The following KLHL29 variants were observed in gnomAD, a reference collection of about 807,000 sequenced individuals.
KLHL29 encodes kelch-like protein 29.
In KLHL29, 21 loss-of-function variants were observed where a neutral mutation model predicts 80.4. That is an observed-to-expected ratio of 0.26 (90% CI 0.19 to 0.38). The LOEUF is 0.38. Ranked by LOEUF, KLHL29 falls within the 10% of genes least tolerant of loss-of-function variation. KLHL29 has a pLI of 1.00. For missense variants in KLHL29, 867 were observed against 1,223.9 expected (o/e 0.71, Z 4.35); for synonymous variants, 511 against 526.8 (o/e 0.97, Z 0.41).
At chr2:23,498,609 C>T (rs1665340464) in intron 2 of KLHL29, among the ~76,000 whole-genome samples, 1 of 152,218 alleles carries the variant, frequency 6.6e-6, no homozygotes, top group Non-Finnish European at 1.5e-5. Context: ...TCAGCGCCTT[C>T]GTTAGGACAT....
intron 1 of KLHL29, among the ~76,000 whole-genome samples, chr2:23,449,063 C>T (rs1250951705): frequency 6.6e-6 from 1 of 152,148 alleles, no homozygotes; most frequent in Non-Finnish European, 1.5e-5. Context: ...GTGGTGGATC[C>T]AGGATTTGAA....
chr2:23,426,901 C>G (rs1170301028), intron 1 of KLHL29, among the ~76,000 whole-genome samples: 2 of 152,206 alleles, frequency 1.3e-5, no homozygotes, highest in Non-Finnish European at 2.9e-5. Context: ...AATCTAACCT[C>G]TAACAGAGCC....
At chr2:23,646,990 T>C (rs1169033324) in intron 5 of KLHL29, among the ~76,000 whole-genome samples, 1 of 152,158 alleles carries the variant, frequency 6.6e-6, no homozygotes, top group Non-Finnish European at 1.5e-5. Flanking sequence ...GTCCAGGGTC[T>C]AGAGAGTTCA....
chr2:23,507,132 G>A lies in KLHL29; in HGVS notation c.-46+31465G>A, dbSNP rs551998959. 3.6e-5 allele frequency: 16 copies of A among 443,812 alleles called. No homozygotes were observed. The East Asian group carries it at 3.7e-4, about 10-fold the overall frequency. The allele number at this position is 443,812 out of a possible 1,614,324, so 27.5% of individuals were successfully genotyped here. ...CATCGCTGCCTGGGTGGACCTGCACGGGTGTGCCCAGCTGTTGGTGGCGCT... is the reference window on the plus strand; with the variant it reads ...CATCGCTGCCTGGGTGGACCTGCACAGGTGTGCCCAGCTGTTGGTGGCGCT... On this transcript the variant is annotated intron_variant, in intron 2 of 13. Coordinates refer to ENST00000486442, the MANE Select transcript of KLHL29 (RefSeq NM_052920.2).
Position 23,544,846 on chromosome 2 carries a change from CA to C in KLHL29, c.-45-17305del, listed in dbSNP as rs1666941269. Among the ~76,000 whole-genome samples, 3 of 152,200 alleles carry C rather than the reference CA, an allele frequency of 2.0e-5. No homozygotes were observed. In the South Asian group the frequency reaches 6.2e-4, roughly 32 times the overall value. ...AGGCCAGCATGTTGGAACAGAGGGG[CA>C]GGGGGAGACCAAACAAGAGAGGGGA... On this transcript the variant is annotated intron_variant, in intron 2 of 13. Coordinates refer to ENST00000486442, the MANE Select transcript of KLHL29 (RefSeq NM_052920.2).
At position 23,680,662 on chromosome 2, in the gene KLHL29, T is replaced by TCCC. The variant is rs1671058685; in HGVS notation, c.941-3736_941-3735insCCC. 5.3e-5 allele frequency among the ~76,000 whole-genome samples: 8 copies of TCCC among 150,610 alleles called. No individual in the cohort carries two copies. The highest frequency in any genetic ancestry group is 2.0e-4 in the African/African-American group (8 of 40,900). Reference sequence around the variant, plus strand: ...TTCTCCTGGGGTCTCTAGGCCATCTTCTCCTGGGCTCTCTAGGCCATCTTC... The same window carrying TCCC: ...TTCTCCTGGGGTCTCTAGGCCATCTTCCCCTCCTGGGCTCTCTAGGCCATCTTC... On this transcript the variant is annotated intron_variant, in intron 5 of 13. Transcript: ENST00000486442. This position sits in a 1 kb window ranked among gnomAD's most constrained non-coding sequence, Gnocchi z 4.1.
At position 23,508,182 on chromosome 2, in the gene KLHL29, T is replaced by C. The variant is rs1323071745; in HGVS notation, c.-46+32515T>C. ...TCAACGCTGTTCCAGTCCTGTTGTGTAACAAACCACCCCAAACCTGGAGGT... is the reference window on the plus strand; with the variant it reads ...TCAACGCTGTTCCAGTCCTGTTGTGCAACAAACCACCCCAAACCTGGAGGT... On this transcript the variant is annotated intron_variant, in intron 2 of 13. Coordinates refer to ENST00000486442, the MANE Select transcript of KLHL29 (RefSeq NM_052920.2). Among the ~76,000 whole-genome samples, 5 of 152,290 alleles carry C rather than the reference T, an allele frequency of 3.3e-5. No homozygotes were observed. In the East Asian group the frequency reaches 9.7e-4, roughly 29 times the overall value.
At chr2:23,567,553 A>T (rs1312665813) in intron 3 of KLHL29, among the ~76,000 whole-genome samples, 3 of 152,202 alleles carry the variant, frequency 2.0e-5, no homozygotes, top group Non-Finnish European at 4.4e-5. Flanking sequence ...AACGCTGGAG[A>T]TGATATCTTC....
intron 3 of KLHL29, among the ~76,000 whole-genome samples, chr2:23,587,114 G>A (rs1382798381): frequency 6.6e-6 from 1 of 152,062 alleles, no homozygotes; most frequent in Non-Finnish European, 1.5e-5. Context: ...TAGACGCCCT[G>A]TTAAATTGCA....
intron 1 of KLHL29, among the ~76,000 whole-genome samples, chr2:23,447,854 A>G (rs6740439): frequency 0.51 from 76,900 of 151,954 alleles, 20,727 homozygotes; most frequent in African/African-American, 0.71. Context: ...CTGATTCTGG[A>G]GTACTGTCCC....
At chr2:23,585,996 A>G (rs368418827) in intron 3 of KLHL29, among the ~76,000 whole-genome samples, 206 of 152,166 alleles carry the variant, frequency 1.4e-3, no homozygotes, top group Non-Finnish European at 2.1e-3. Flanking sequence ...TTTCATTCCC[A>G]ATGTTTAAGC....
chr2:23,412,891 T>C (rs1411503094), intron 1 of KLHL29, among the ~76,000 whole-genome samples: 1 of 152,190 alleles, frequency 6.6e-6, no homozygotes, highest in Non-Finnish European at 1.5e-5. Context: ...CTCCCTCTGC[T>C]TCTGTTTGAC....
At chr2:23,497,884 C>T (rs1002240366) in intron 2 of KLHL29, among the ~76,000 whole-genome samples, 1 of 152,088 alleles carries the variant, frequency 6.6e-6, no homozygotes, top group African/African-American at 2.4e-5. Flanking sequence ...ACAGGAGCAC[C>T]GGGTAGAAAG....
chr2:23,479,905 T>G (rs1158768344), intron 2 of KLHL29, among the ~76,000 whole-genome samples: 2 of 152,238 alleles, frequency 1.3e-5, no homozygotes, highest in African/African-American at 4.8e-5. Context: ...GGGATTAGAT[T>G]ATTTTATTCA....
intron 5 of KLHL29, chr2:23,643,759 G>A (rs1669843492): frequency 6.6e-6 from 1 of 152,282 alleles, no homozygotes; most frequent in South Asian, 2.1e-4. Context: ...GATGCAGTGG[G>A]GAAGGCTGCT....
chr2:23,697,307 G>A (rs191298567), intron 11 of KLHL29: 28 of 152,334 alleles, frequency 1.8e-4, no homozygotes, highest in Admixed American at 1.8e-3. Flanking sequence ...GAGAACAGAT[G>A]CCTGGGGGAA....
intron 2 of KLHL29, among the ~76,000 whole-genome samples, chr2:23,539,443 T>C: frequency 6.9e-6 from 1 of 143,950 alleles, no homozygotes; most frequent in Non-Finnish European, 1.5e-5. Context: ...TTTTTTTTTT[T>C]TTTTTTTTTT....
At chr2:23,405,170 A>C (rs150010962) in intron 1 of KLHL29, among the ~76,000 whole-genome samples, 1 of 152,364 alleles carries the variant, frequency 6.6e-6, no homozygotes, top group South Asian at 2.1e-4. Context: ...TCTCTCATGC[A>C]TAACAAATAT....
At chr2:23,570,302 C>T (rs1423412399) in intron 3 of KLHL29, among the ~76,000 whole-genome samples, 3 of 152,214 alleles carry the variant, frequency 2.0e-5, no homozygotes, top group Non-Finnish European at 2.9e-5. Flanking sequence ...TTGTACCCTT[C>T]TGGCACTGTG....
Sources: gnomAD v4.1 joint callset for allele counts (sites outside exome capture counted in the v4.1 genomes callset) on GRCh38, gnomAD v4.1.1 for gene constraint, Gnocchi (gnomAD v3.1) non-coding constraint, MANE v1.5 for transcripts, NCBI Gene and HGNC (gene_info 2026-07-23, HGNC 2026-07-21) for gene names.